AP2A2: variants seen among roughly 807,000 people sequenced by gnomAD.
AP2A2 encodes the protein adaptor related protein complex 2 subunit alpha 2, also known as AP-2 complex subunit alpha-2.
AP2A2 carries 32 observed loss-of-function variants against 104.2 expected under a neutral mutation model. That is an observed-to-expected ratio of 0.31 (90% CI 0.23 to 0.41). The LOEUF (loss-of-function observed/expected upper bound fraction) is 0.41. Among genes scored for constraint, AP2A2 ranks in the 10% least tolerant of loss-of-function variants. The probability of loss-of-function intolerance (pLI) is 1.00; values close to 1 mark genes in which losing one functional copy is unlikely to be tolerated. For missense variants in AP2A2, 912 were observed against 1,261.0 expected (o/e 0.72, Z 4.19); for synonymous variants, 539 against 533.3 (o/e 1.01, Z -0.15).
intron 1 of AP2A2, among the ~76,000 whole-genome samples, chr11:953,257 C>T (rs558253620): frequency 3.3e-5 from 5 of 151,388 alleles, no homozygotes; most frequent in Admixed American, 6.6e-5. Context: ...CTCTGCCTCT[C>T]GGGTTCAGGC....
chr11:980,027 T>C (rs181561687), intron 5 of AP2A2, among the ~76,000 whole-genome samples: 2,978 of 151,190 alleles, frequency 0.02, 108 homozygotes, highest in African/African-American at 0.068. Flanking sequence ...CCTGGAGCGG[T>C]GACAGGCTGC....
At chr11:999,298 G>A (rs1031666670) in intron 14 of AP2A2, among the ~76,000 whole-genome samples, 1 of 152,170 alleles carries the variant, frequency 6.6e-6, no homozygotes, top group African/African-American at 2.4e-5. Context: ...TATCACCTGA[G>A]GTCAAGAGTT....
intron 16 of AP2A2, among the ~76,000 whole-genome samples, chr11:1,006,094 G>A (rs552424196): frequency 5.3e-5 from 8 of 152,368 alleles, no homozygotes; most frequent in Middle Eastern, 3.4e-3. Flanking sequence ...GGGCCGGTGC[G>A]TGTGTTTGCA....
intron 1 of AP2A2, chr11:957,106 C>G (rs1854262307): frequency 6.6e-6 from 1 of 152,262 alleles, no homozygotes; most frequent in South Asian, 2.1e-4. Flanking sequence ...ACGACCCCCT[C>G]TTTGGATTCA....
rs149657019 is a variant in AP2A2 at position 952,028 on chromosome 11, C to G, written c.68-7409C>G. 2.4e-4 allele frequency among the ~76,000 whole-genome samples: 37 copies of G among 152,188 alleles called. No homozygotes were observed. The East Asian group carries it at 7.0e-3, about 29-fold the overall frequency. On this transcript the variant is annotated intron_variant, in intron 1 of 21. Transcript: ENST00000448903. The stretch of plus-strand genomic sequence containing the variant: ...GGACCACAGGCATGCACCACCACAC[C>G]TAATTTTTTAAAAAATTATTTATGG...
rs1193004202 is a variant in AP2A2, at chr11:1,011,336, C to T, written c.*711C>T. ...GGAGCGTCCTGCCGGCCCCGCAGGG[C>T]CCCCAGGACTCCAGGGTAAAGTGTG... is the stretch of plus-strand genomic sequence containing the variant. On this transcript the variant is annotated 3_prime_UTR_variant, in exon 22 of 22. Transcript: ENST00000448903. 3.9e-6 allele frequency: 2 copies of T among 518,468 alleles called. No homozygotes were observed. Among genetic ancestry groups the T allele is most frequent in the Non-Finnish European group, 7.7e-6 (2 of 259,770 alleles). The allele number at this position is 518,468 out of a possible 1,614,324, so 32.1% of individuals were successfully genotyped here. A position where few individuals can be genotyped will look rare whatever the true frequency, so the allele number is the denominator to read the frequency against.
At chr11:1,001,042 T>G (rs1462176804) in intron 15 of AP2A2, among the ~76,000 whole-genome samples, 1 of 152,240 alleles carries the variant, frequency 6.6e-6, no homozygotes, top group Non-Finnish European at 1.5e-5. Flanking sequence ...CTCTTGTCCT[T>G]GAGTTGCTCA....
intron 18 of AP2A2, chr11:1,008,771 T>C: frequency 2.6e-6 from 1 of 390,740 alleles, no homozygotes; most frequent in Non-Finnish European, 4.6e-6. Flanking sequence ...AGTTTTTGTT[T>C]CATTCTTTGT....
chr11:983,143 G>A (rs1029525382), intron 6 of AP2A2, among the ~76,000 whole-genome samples: 3 of 147,102 alleles, frequency 2.0e-5, no homozygotes, highest in Non-Finnish European at 3.0e-5. Flanking sequence ...TCAGCCTCCC[G>A]AGTAGCTGGG....
At chr11:1,002,800 G>A (rs926276062) in intron 15 of AP2A2, among the ~76,000 whole-genome samples, 8 of 152,380 alleles carry the variant, frequency 5.3e-5, no homozygotes, top group Admixed American at 2.0e-4. Flanking sequence ...GACCTTGATC[G>A]CCGCCATGTC....
chr11:944,608 G>C lies in AP2A2; in HGVS notation c.68-14829G>C, dbSNP rs146920357. 4.6e-5 allele frequency among the ~76,000 whole-genome samples: 7 copies of C among 152,128 alleles called. No individual in the cohort carries two copies. The East Asian group carries it at 1.2e-3, about 25-fold the overall frequency. Reference sequence around the variant, plus strand: ...ATAAACACAACAGAGAGATATTAAGGGGGGAAGGTGATTGGGTAAATGAGG... The same window carrying C: ...ATAAACACAACAGAGAGATATTAAGCGGGGAAGGTGATTGGGTAAATGAGG... On this transcript the variant is annotated intron_variant, in intron 1 of 21. Coordinates refer to ENST00000448903, the MANE Select transcript of AP2A2 (RefSeq NM_012305.4).
intron 2 of AP2A2, among the ~76,000 whole-genome samples, chr11:965,972 C>G (rs1213211458): frequency 1.3e-5 from 2 of 152,182 alleles, no homozygotes; most frequent in Non-Finnish European, 2.9e-5. Context: ...TCCCGAGTGG[C>G]TAGGGCTACA....
At position 937,569 on chromosome 11, in the gene AP2A2, T is replaced by C. The variant is rs567012767; in HGVS notation, c.67+11481T>C. The stretch of plus-strand genomic sequence containing the variant: ...GCTGCAGCGAGCCACGTTTGCGCCA[T>C]TGCGCAGCCTGGGCGACAGGATGAG... On this transcript the variant is annotated intron_variant, in intron 1 of 21. Transcript: ENST00000448903. 5.9e-5 allele frequency among the ~76,000 whole-genome samples: 9 copies of C among 152,336 alleles called. No homozygotes were observed. In the East Asian group the frequency reaches 1.4e-3, roughly 23 times the overall value.
chr11:970,598 T>G (rs1406521526), intron 3 of AP2A2, among the ~76,000 whole-genome samples: 3 of 152,278 alleles, frequency 2.0e-5, no homozygotes, highest in African/African-American at 7.2e-5. Flanking sequence ...TGCCTTTTCC[T>G]CCTTTCTTTG....
At chr11:995,739 T>A in intron 14 of AP2A2, among the ~76,000 whole-genome samples, 2 of 93,478 alleles carry the variant, frequency 2.1e-5, no homozygotes, top group South Asian at 4.2e-4. Flanking sequence ...TCCCTCCCCC[T>A]CTTCCTCCCT....
Position 1,010,729 on chromosome 11 carries a change from C to A in AP2A2, c.*104C>A. ...ATGAGCACCGTGTCCAGTGCCACAG[C>A]ACAAGGCGCCTCCCCGCCCCGCCGC... On this transcript the variant is annotated 3_prime_UTR_variant, in exon 22 of 22. Coordinates refer to ENST00000448903, the MANE Select transcript of AP2A2 (RefSeq NM_012305.4). The A allele has an allele frequency of 2.1e-6, 2 of 955,128 alleles. No individual in the cohort carries two copies. The highest frequency in any genetic ancestry group is 3.3e-6 in the Non-Finnish European group (2 of 608,170). 59.2% of individuals were successfully genotyped at this position (955,128 alleles called of 1,614,324 possible). A position where few individuals can be genotyped will look rare whatever the true frequency, so the allele number is the denominator to read the frequency against.
rs1854466984 is a variant in AP2A2 at position 962,237 on chromosome 11, GTGAGGAAA to G, written c.136+2743_136+2750del. On this transcript the variant is annotated intron_variant, in intron 2 of 21. Coordinates refer to ENST00000448903, the MANE Select transcript of AP2A2 (RefSeq NM_012305.4). ...GGGATCTGCGTCTGCTGTGCTCATT[GTGAGGAAA>G]TGAGGAAATGCATAGAAATTGCTTG... is the stretch of plus-strand genomic sequence containing the variant. Among the ~76,000 whole-genome samples the G allele has an allele frequency of 3.9e-5, 6 of 152,260 alleles. No individual in the cohort carries two copies. The South Asian group carries it at 1.2e-3, about 31-fold the overall frequency.
At chr11:977,035 C>G in intron 4 of AP2A2, 60 bp from the exon 5 acceptor site, 2 of 1,604,460 alleles carry the variant, frequency 1.2e-6, no homozygotes, top group Admixed American at 3.4e-5. Context: ...GGGGGGTGCT[C>G]CGTGCAGCTC....
intron 4 of AP2A2, among the ~76,000 whole-genome samples, chr11:974,153 C>G (rs938915112): frequency 6.6e-6 from 1 of 151,572 alleles, no homozygotes; most frequent in African/African-American, 2.4e-5. Context: ...GCAGGTGGCC[C>G]GTGTTCTGGT....
Sources: gnomAD v4.1 joint callset for allele counts (sites outside exome capture counted in the v4.1 genomes callset) on GRCh38, gnomAD v4.1.1 for gene constraint, MANE v1.5 for transcripts, NCBI Gene and HGNC (gene_info 2026-07-23, HGNC 2026-07-21) for gene names.